The following RERE variants were observed in gnomAD, a reference collection of about 807,000 sequenced individuals.
RERE encodes the protein arginine-glutamic acid dipeptide repeats, also known as arginine-glutamic acid dipeptide repeats protein.
Under a neutral mutation model 146.1 loss-of-function variants are expected in RERE, and 40 were observed. That is an observed-to-expected ratio of 0.27 (90% CI 0.21 to 0.36). RERE has a LOEUF of 0.36. Among genes scored for constraint, RERE ranks in the 10% least tolerant of loss-of-function variants. RERE has a pLI of 1.00. For synonymous variants in RERE, 1,003 were observed against 866.0 expected (o/e 1.16, Z -2.78); for missense variants, 1,933 against 2,138.7 (o/e 0.90, Z 1.90).
At position 8,353,421 on chromosome 1, in the gene RERE, C is replaced by A. The variant is rs1052458062; in HGVS notation, c.*1666G>T. On this transcript the variant is annotated 3_prime_UTR_variant, in exon 23 of 23. Coordinates refer to ENST00000400908, the MANE Select transcript of RERE (RefSeq NM_001042681.2). ...CTCTGCGGCCTGGGTCCTGGATGGA[C>A]TTTGTGTCCGCCGACCCAGTGTGGT... The A allele has an allele frequency of 6.6e-6, 1 of 152,348 alleles. No individual in the cohort carries two copies. Among genetic ancestry groups the A allele is most frequent in the East Asian group, 1.9e-4 (1 of 5,180 alleles). The allele number at this position is 152,348 out of a possible 1,614,324, so 9.4% of individuals were successfully genotyped here.
intron 10 of RERE, among the ~76,000 whole-genome samples, chr1:8,473,522 T>C (rs1570297595): frequency 6.6e-6 from 1 of 152,258 alleles, no homozygotes; most frequent in East Asian, 1.9e-4. Context: ...AAGTAACCAC[T>C]GTACTGATTC....
chr1:8,432,399 G>GCA (rs926398832), intron 11 of RERE, among the ~76,000 whole-genome samples: 39 of 151,800 alleles, frequency 2.6e-4, no homozygotes, highest in African/African-American at 9.2e-4. Context: ...TGTGCAAAGA[G>GCA]CACAGCACGA....
chr1:8,576,450 T>C (rs1646295683), intron 4 of RERE, among the ~76,000 whole-genome samples: 1 of 152,144 alleles, frequency 6.6e-6, no homozygotes, highest in African/African-American at 2.4e-5. Context: ...AGTTAAAAAT[T>C]AGTTTCAGGA....
At chr1:8,815,664 A>G (rs757173310) in intron 1 of RERE, among the ~76,000 whole-genome samples, 1 of 152,188 alleles carries the variant, frequency 6.6e-6, no homozygotes, top group Non-Finnish European at 1.5e-5. Flanking sequence ...ACGGCCAGGC[A>G]TGAGATGGGT....
intron 2 of RERE, among the ~76,000 whole-genome samples, chr1:8,625,865 A>G (rs980322766): frequency 6.6e-6 from 1 of 152,180 alleles, no homozygotes; most frequent in Non-Finnish European, 1.5e-5. Flanking sequence ...CTTTGTACCT[A>G]CCCAAAAGGC....
chr1:8,477,189 G>A (rs972283967), intron 10 of RERE, among the ~76,000 whole-genome samples: 4 of 152,112 alleles, frequency 2.6e-5, no homozygotes, highest in Non-Finnish European at 4.4e-5. Flanking sequence ...ATAAATGCGA[G>A]ATCAGCCACA....
At chr1:8,630,935 AAACAT>A (rs1173186284) in intron 2 of RERE, among the ~76,000 whole-genome samples, 1 of 152,214 alleles carries the variant, frequency 6.6e-6, no homozygotes, top group Non-Finnish European at 1.5e-5. Flanking sequence ...CCTCTTTTTT[AAACAT>A]AATAATTACA....
intron 2 of RERE, among the ~76,000 whole-genome samples, chr1:8,648,916 GAAAA>G (rs530478659): frequency 7.1e-6 from 1 of 140,220 alleles, no homozygotes; most frequent in South Asian, 2.2e-4. Context: ...ACATACTTTT[GAAAA>G]AAAAAATACA....
intron 1 of RERE, among the ~76,000 whole-genome samples, chr1:8,700,288 G>A (rs1639419725): frequency 6.6e-6 from 1 of 152,088 alleles, no homozygotes; most frequent in Non-Finnish European, 1.5e-5. Context: ...CTGGGTGACA[G>A]AGTGAGACTC....
chr1:8,361,283 G>C lies in RERE; in HGVS notation c.2224C>G (p.Gln742Glu), dbSNP rs1397701434. 8.1e-6 allele frequency: 13 copies of C among 1,600,366 alleles called. No individual in the cohort carries two copies. The highest frequency in any genetic ancestry group is 1.1e-5 in the Non-Finnish European group (13 of 1,173,612). The change falls in exon 18 of 23, where the codon CAG becomes GAG. Residue 742 changes from glutamine (Q) to glutamate (E), a missense_variant. By Grantham distance (29) the Gln-to-Glu change is conservative. This residue lies in a region of RERE where 1,255 missense variants were observed against 1,153.8 expected (regional missense o/e 1.09). Transcript: ENST00000400908. ...GCTGGGGTGACCCCAGTGGGAGCCT[G>C]CAAGGCTGGGGGCTGGGCCTGCAGC... Reference protein sequence around the residue: ...QMLQAQPPALQAPTGVTPAPS... With the variant: ...QMLQAQPPALEAPTGVTPAPS...
rs3082094 is a variant in RERE at position 8,601,626 on chromosome 1, CCACACACACA to C, written c.522+12925_522+12934del. ...CCAACTGCCTTCATGTCCAAGGTCA[CCACACACACA>C]CACACACACACACACACACACACAC... is the stretch of plus-strand genomic sequence containing the variant. On this transcript the variant is annotated intron_variant, in intron 4 of 22. Transcript: ENST00000400908. Among the ~76,000 whole-genome samples the C allele has an allele frequency of 3.5e-3, 336 of 94,966 alleles. 2 individuals are homozygous for C. Among genetic ancestry groups the C allele is most frequent in the Admixed American group, 0.018 (147 of 8,076 alleles). 62.3% of individuals were successfully genotyped at this position (94,966 alleles called of 152,430 possible).
In RERE at chr1:8,799,842, C is replaced by T. The variant is rs188755294; in HGVS notation, c.-145+17318G>A. ...TTTGCTTTTTTTTAAGATGGAGTCT[C>T]GCTCTGTCACCCAGGCTGGAGTGCA... On this transcript the variant is annotated intron_variant, in intron 1 of 22. Coordinates refer to ENST00000400908, the MANE Select transcript of RERE (RefSeq NM_001042681.2). Among the ~76,000 whole-genome samples, 134 of 150,322 alleles carry T rather than the reference C, an allele frequency of 8.9e-4. 1 individual carries two copies. The highest frequency in any genetic ancestry group is 1.3e-3 in the African/African-American group (53 of 41,104).
intron 2 of RERE, among the ~76,000 whole-genome samples, chr1:8,626,740 A>G (rs1646977819): frequency 6.6e-6 from 1 of 152,156 alleles, no homozygotes; most frequent in Non-Finnish European, 1.5e-5. Context: ...TAAATCCTTA[A>G]GTAATACTCT....
intron 4 of RERE, among the ~76,000 whole-genome samples, chr1:8,563,813 A>G (rs1646106427): frequency 6.6e-6 from 1 of 152,250 alleles, no homozygotes; most frequent in South Asian, 2.1e-4. Flanking sequence ...TATGGCTTAA[A>G]AAGATACTTT....
intron 7 of RERE, among the ~76,000 whole-genome samples, chr1:8,509,418 ATCCATCCATCCATCCATCCG>A (rs1034898259): frequency 1.6e-4 from 13 of 81,366 alleles, no homozygotes; most frequent in Middle Eastern, 4.5e-3. Flanking sequence ...CCATCCATCC[ATCCATCCATCCATCCATCCG>A]TCCGTCCGTC....
chr1:8,772,920 CTACTAAAAG>C, intron 1 of RERE, among the ~76,000 whole-genome samples: 2 of 152,284 alleles, frequency 1.3e-5, no homozygotes, highest in Admixed American at 1.3e-4. Flanking sequence ...GAAACCCCAT[CTACTAAAAG>C]TACAAAAATT....
chr1:8,520,752 TTTAAA>T (rs1258211920), intron 7 of RERE, among the ~76,000 whole-genome samples: 2 of 14,764 alleles, frequency 1.4e-4, no homozygotes. Flanking sequence ...CAAAAAACTT[TTTAAA>T]AAAAAAAAAA....
At chr1:8,624,076 TA>T (rs1361152141) in intron 3 of RERE, among the ~76,000 whole-genome samples, 1 of 152,230 alleles carries the variant, frequency 6.6e-6, no homozygotes, top group Non-Finnish European at 1.5e-5. Context: ...ACTAAAGGGA[TA>T]AAAACTTCAG....
chr1:8,780,948 G>A (rs767627534), intron 1 of RERE, among the ~76,000 whole-genome samples: 13 of 151,844 alleles, frequency 8.6e-5, no homozygotes, highest in African/African-American at 1.9e-4. Flanking sequence ...GAGGCCAGGC[G>A]CGGTAGCTCA....
Sources: allele counts gnomAD v4.1 joint callset (sites outside exome capture counted in the v4.1 genomes callset), GRCh38; gene constraint gnomAD v4.1.1; regional missense constraint gnomAD v4.1.1; transcripts MANE v1.5; gene names NCBI Gene and HGNC (gene_info 2026-07-23, HGNC 2026-07-21).